The following MAPT variants were observed in gnomAD, a reference collection of about 807,000 sequenced individuals.
MAPT encodes microtubule associated protein tau, also known as microtubule-associated protein tau.
MAPT carries 34 observed loss-of-function variants against 67.9 expected under a neutral mutation model. The ratio of observed to expected loss-of-function variants is 0.50; its 90% CI spans 0.38 to 0.67. The LOEUF is 0.67. Ranked by LOEUF, MAPT falls within the 30% of genes least tolerant of loss-of-function variation. MAPT has a pLI of 0.00. For synonymous variants in MAPT, 456 were observed against 464.5 expected, an observed-to-expected ratio of 0.98 and a Z score of 0.23; for missense variants, 881 against 1,115.2, an observed-to-expected ratio of 0.79 and a Z score of 2.99.
intron 6 of MAPT, 64 bp from the exon 7 acceptor site, chr17:45,989,814 T>C (rs2073917861): frequency 2.1e-6 from 3 of 1,430,070 alleles, no homozygotes; most frequent in Non-Finnish European, 3.0e-6. Context: ...TGTCCTTTTT[T>C]CAGTTTGTTT....
intron 1 of MAPT, among the ~76,000 whole-genome samples, chr17:45,930,407 CA>C (rs67120979): frequency 2.4e-3 from 197 of 81,972 alleles, no homozygotes; most frequent in Admixed American, 3.0e-3. Context: ...ATTCTGTCTC[CA>C]AAAAAAAAAA....
intron 2 of MAPT, among the ~76,000 whole-genome samples, chr17:45,965,001 G>A (rs1467860013): frequency 6.6e-6 from 1 of 152,132 alleles, no homozygotes; most frequent in East Asian, 1.9e-4. Context: ...GTGCTGCTGG[G>A]GGAAACTGGG....
intron 2 of MAPT, among the ~76,000 whole-genome samples, chr17:45,964,979 C>G (rs924417506): frequency 6.6e-5 from 10 of 152,164 alleles, no homozygotes; most frequent in Admixed American, 6.5e-4. Flanking sequence ...CCAGCTGCCC[C>G]CCTGGCAGTT....
chr17:45,946,621 T>A (rs2115712), intron 1 of MAPT, among the ~76,000 whole-genome samples: 33,223 of 89,814 alleles, frequency 0.37, 5,898 homozygotes, highest in East Asian at 0.44. Flanking sequence ...AAAAAATATA[T>A]ATATATATAT....
At chr17:45,942,368 C>G (rs1230977672) in intron 1 of MAPT, among the ~76,000 whole-genome samples, 2 of 152,236 alleles carry the variant, frequency 1.3e-5, no homozygotes, top group African/African-American at 2.4e-5. Context: ...GGTTTTGGCT[C>G]TGTCCCCAGG....
At chr17:45,982,018 CAA>C (rs1264327504) in intron 4 of MAPT, among the ~76,000 whole-genome samples, 21 of 84,634 alleles carry the variant, frequency 2.5e-4, no homozygotes, top group Admixed American at 2.7e-4. Context: ...GACCCTGTCT[CAA>C]AAAAAAAAAA....
intron 11 of MAPT, among the ~76,000 whole-genome samples, chr17:46,017,008 A>G (rs62062282): frequency 0.14 from 21,796 of 152,124 alleles, 2,135 homozygotes; most frequent in Non-Finnish European, 0.22. Flanking sequence ...TTCAGGGCTG[A>G]TTTTTACTTG....
chr17:46,007,794 ATATT>A (rs1288117726), intron 9 of MAPT, among the ~76,000 whole-genome samples: 2 of 152,208 alleles, frequency 1.3e-5, no homozygotes, highest in East Asian at 1.9e-4. Flanking sequence ...AGGTTTTAGA[ATATT>A]TATAACTTTG....
At chr17:45,938,862 G>A (rs1464333601) in intron 1 of MAPT, among the ~76,000 whole-genome samples, 2 of 145,318 alleles carry the variant, frequency 1.4e-5, no homozygotes, top group East Asian at 2.0e-4. Context: ...CACCCAGGCT[G>A]GTGTGCAGTG....
chr17:45,920,667 G>T (rs2065622821), intron 1 of MAPT, among the ~76,000 whole-genome samples: 1 of 152,210 alleles, frequency 6.6e-6, no homozygotes, highest in Non-Finnish European at 1.5e-5. Context: ...TGGGGTGGTT[G>T]TATGGGTCCT....
intron 11 of MAPT, among the ~76,000 whole-genome samples, chr17:46,017,602 C>T (rs576511497): frequency 2.7e-5 from 4 of 150,624 alleles, no homozygotes; most frequent in Non-Finnish European, 3.0e-5. Flanking sequence ...TACAGGTGCC[C>T]GCCACCATGC....
chr17:45,950,704 C>A (rs2068979384), intron 1 of MAPT, among the ~76,000 whole-genome samples: 1 of 151,884 alleles, frequency 6.6e-6, no homozygotes, highest in Non-Finnish European at 1.5e-5. Context: ...GAGTCTTAAC[C>A]CAGGCTGGAG....
chr17:45,995,286 G>A lies in MAPT; in HGVS notation c.1733-1113G>A, dbSNP rs2074383302. On this transcript the variant is annotated intron_variant, in intron 8 of 12. Coordinates refer to ENST00000262410, the MANE Select transcript of MAPT (RefSeq NM_001377265.1). This position sits in a 1 kb window ranked among gnomAD's most constrained non-coding sequence, Gnocchi z 4.3. ...CTGCAGGGGAGCTAAGCACACCTCG[G>A]CACAGGGTGAGGCCTGCGGTTCTCA... 6.6e-6 allele frequency among the ~76,000 whole-genome samples: 1 copy of A among 152,172 alleles called. No homozygotes were observed. Among genetic ancestry groups the A allele is most frequent in the Non-Finnish European group, 1.5e-5 (1 of 68,026 alleles).
chr17:45,928,536 T>C (rs2066564534), intron 1 of MAPT, among the ~76,000 whole-genome samples: 1 of 152,156 alleles, frequency 6.6e-6, no homozygotes, highest in Admixed American at 6.5e-5. Context: ...ATTGCTGTGG[T>C]CACCTGCACT....
At chr17:45,901,554 A>G (rs548070411) in intron 1 of MAPT, among the ~76,000 whole-genome samples, 2 of 152,340 alleles carry the variant, frequency 1.3e-5, no homozygotes, top group East Asian at 1.9e-4. Flanking sequence ...CATGTATCCA[A>G]TAAGTATAGT....
chr17:45,987,309 A>G (rs1470030045), intron 6 of MAPT, among the ~76,000 whole-genome samples: 1 of 152,106 alleles, frequency 6.6e-6, no homozygotes, highest in African/African-American at 2.4e-5. Context: ...TGGCAGGTTC[A>G]TGAAGTCATG....
intron 1 of MAPT, among the ~76,000 whole-genome samples, chr17:45,947,136 T>G (rs1178927242): frequency 1.3e-5 from 2 of 152,118 alleles, no homozygotes; most frequent in African/African-American, 4.8e-5. Flanking sequence ...TGATGCAATG[T>G]GACCAGAGCT....
intron 1 of MAPT, among the ~76,000 whole-genome samples, chr17:45,961,821 G>A (rs1261203123): frequency 6.6e-6 from 1 of 151,608 alleles, no homozygotes; most frequent in African/African-American, 2.4e-5. Context: ...TGTCACCCAG[G>A]CTGGAGTGCA....
chr17:46,024,761 T>C lies in MAPT; in HGVS notation c.*590T>C, dbSNP rs1309690946. ...GGAGAGGAAGCACAAGAAGTGGGAG[T>C]GGGAGAGGAAGCCACGTGCTGGAGA... On this transcript the variant is annotated 3_prime_UTR_variant, in exon 13 of 13. Coordinates refer to ENST00000262410, the MANE Select transcript of MAPT (RefSeq NM_001377265.1). 2.8e-5 allele frequency: 5 copies of C among 180,568 alleles called. No homozygotes were observed. The East Asian group carries it at 6.9e-4, about 25-fold the overall frequency. The allele number at this position is 180,568 out of a possible 1,614,324, so 11.2% of individuals were successfully genotyped here.
Sources: gnomAD v4.1 joint callset for allele counts (sites outside exome capture counted in the v4.1 genomes callset) on GRCh38, gnomAD v4.1.1 for gene constraint, Gnocchi (gnomAD v3.1) non-coding constraint, MANE v1.5 for transcripts, NCBI Gene and HGNC (gene_info 2026-07-23, HGNC 2026-07-21) for gene names.